Variants in LRP1B observed in about 807,000 individuals in gnomAD.
LRP1B encodes the protein low-density lipoprotein receptor-related protein 1B.
Under a neutral mutation model 556.6 loss-of-function variants are expected in LRP1B, and 217 were observed. The observed-to-expected ratio is 0.39, with a 90% CI of 0.35 to 0.44. The LOEUF (loss-of-function observed/expected upper bound fraction) is 0.44. Among genes scored for constraint, LRP1B ranks in the 20% least tolerant of loss-of-function variants. The pLI, the probability that LRP1B is intolerant of heterozygous loss-of-function variation, is 1.00. For missense variants in LRP1B, 5,053 were observed against 5,620.8 expected, an observed-to-expected ratio of 0.90 and a Z score of 3.23; for synonymous variants, 2,047 against 1,865.8, an observed-to-expected ratio of 1.10 and a Z score of -2.50.
chr2:140,540,886 C>A (rs1680108027), intron 45 of LRP1B, 87 bp downstream of exon 45: 1 of 1,410,234 alleles, frequency 7.1e-7, no homozygotes, highest in South Asian at 1.3e-5. Flanking sequence ...GAGAGTATAA[C>A]TTCATGAATA....
intron 1 of LRP1B, among the ~76,000 whole-genome samples, chr2:142,067,965 C>G (rs1705169523): frequency 6.6e-6 from 1 of 151,432 alleles, no homozygotes; most frequent in Non-Finnish European, 1.5e-5. Flanking sequence ...TAATATGGTA[C>G]CTCCTACAAG....
intron 5 of LRP1B, 136 bp downstream of exon 5, chr2:141,247,090 A>T: frequency 1.1e-6 from 1 of 903,116 alleles, no homozygotes; most frequent in Non-Finnish European, 1.7e-6. Flanking sequence ...CTAACTATAG[A>T]GAAGTGTATT....
chr2:141,186,171 T>A (rs1019678523), intron 7 of LRP1B, among the ~76,000 whole-genome samples: 1 of 151,766 alleles, frequency 6.6e-6, no homozygotes, highest in Admixed American at 6.6e-5. Flanking sequence ...TTCTCCATTT[T>A]AAAATCTATG....
At chr2:141,856,419 A>T (rs376343214) in intron 1 of LRP1B, among the ~76,000 whole-genome samples, 1 of 152,106 alleles carries the variant, frequency 6.6e-6, no homozygotes, top group East Asian at 1.9e-4. Flanking sequence ...CTTTTTTTAT[A>T]TTTTTGCTTC....
At chr2:141,064,235 AAAG>A (rs536932645) in intron 7 of LRP1B, among the ~76,000 whole-genome samples, 72 of 152,048 alleles carry the variant, frequency 4.7e-4, no homozygotes, top group Non-Finnish European at 7.7e-4. Flanking sequence ...AAAGCAAAAA[AAAG>A]AAGGATATAG....
chr2:141,700,361 A>T (rs1691896176), intron 2 of LRP1B, among the ~76,000 whole-genome samples: 1 of 151,806 alleles, frequency 6.6e-6, no homozygotes, highest in South Asian at 2.1e-4. Flanking sequence ...GCATCGATTT[A>T]TCAAAATAAT....
chr2:140,737,503 C>T (rs556170622), intron 35 of LRP1B, among the ~76,000 whole-genome samples: 17 of 152,250 alleles, frequency 1.1e-4, no homozygotes, highest in Middle Eastern at 3.4e-3. Context: ...GTAGGAGTCA[C>T]GTTCTTAGTC....
At chr2:141,415,924 G>A (rs12623422) in intron 3 of LRP1B, among the ~76,000 whole-genome samples, 28,502 of 152,080 alleles carry the variant, frequency 0.19, 3,528 homozygotes, top group East Asian at 0.45. Flanking sequence ...CTAACATCAC[G>A]GAAGCAGGGA....
At chr2:140,245,645 A>G (rs1049887290) in intron 87 of LRP1B, among the ~76,000 whole-genome samples, 28 of 151,570 alleles carry the variant, frequency 1.8e-4, no homozygotes, top group African/African-American at 6.5e-4. Context: ...AGTTTATAAA[A>G]TCATATATAA....
chr2:141,791,631 G>T (rs142176804), intron 2 of LRP1B, among the ~76,000 whole-genome samples: 4 of 151,824 alleles, frequency 2.6e-5, no homozygotes, highest in Non-Finnish European at 5.9e-5. Context: ...TGACATTGAG[G>T]TTGCAACACC....
intron 3 of LRP1B, among the ~76,000 whole-genome samples, chr2:141,310,885 T>C (rs1388143460): frequency 6.6e-6 from 1 of 152,210 alleles, no homozygotes; most frequent in Admixed American, 6.5e-5. Context: ...CTCTATCTAA[T>C]CCTTTTATTT....
intron 6 of LRP1B, among the ~76,000 whole-genome samples, chr2:141,218,983 G>T (rs527512904): frequency 6.6e-6 from 1 of 152,322 alleles, no homozygotes; most frequent in Non-Finnish European, 1.5e-5. Flanking sequence ...TGCCACACAG[G>T]ATAAGGGGAA....
chr2:140,516,757 A>T, intron 50 of LRP1B, 132 bp downstream of exon 50: 1 of 808,960 alleles, frequency 1.2e-6, no homozygotes, highest in Non-Finnish European at 1.9e-6. Context: ...CCATTTTTGT[A>T]TTATTTAATA....
intron 2 of LRP1B, among the ~76,000 whole-genome samples, chr2:141,703,597 T>C (rs1574262092): frequency 6.6e-6 from 1 of 151,964 alleles, no homozygotes; most frequent in Admixed American, 6.6e-5. Flanking sequence ...ATAGTATTTT[T>C]AATTTTGAAG....
At chr2:140,645,359 A>C in intron 41 of LRP1B, among the ~76,000 whole-genome samples, 1 of 151,998 alleles carries the variant, frequency 6.6e-6, no homozygotes, top group East Asian at 1.9e-4. Context: ...CTATATAATG[A>C]GCTTTCCACT....
chr2:142,021,765 C>T (rs1010354846), intron 1 of LRP1B, among the ~76,000 whole-genome samples: 4 of 151,898 alleles, frequency 2.6e-5, no homozygotes, highest in Non-Finnish European at 4.4e-5. Flanking sequence ...AGTATTCTAC[C>T]TTTAAAATAA....
intron 1 of LRP1B, among the ~76,000 whole-genome samples, chr2:142,057,738 G>A (rs552943993): frequency 8.5e-5 from 13 of 152,218 alleles, no homozygotes; most frequent in East Asian, 7.7e-4. Context: ...AAGTTATTAC[G>A]TAGATTAAGT....
chr2:141,124,583 C>G (rs1373116840), intron 7 of LRP1B, among the ~76,000 whole-genome samples: 1 of 148,952 alleles, frequency 6.7e-6, no homozygotes, highest in East Asian at 2.0e-4. Flanking sequence ...ACTAACCTAA[C>G]TTTTCCAGCT....
intron 2 of LRP1B, among the ~76,000 whole-genome samples, chr2:141,621,245 G>C (rs1688497294): frequency 6.6e-6 from 1 of 151,858 alleles, no homozygotes; most frequent in South Asian, 2.1e-4. Context: ...TTTCTCAATT[G>C]GCAAATAAAA....
Sources: gnomAD v4.1 joint callset for allele counts (sites outside exome capture counted in the v4.1 genomes callset) on GRCh38, gnomAD v4.1.1 for gene constraint, MANE v1.5 for transcripts, NCBI Gene and HGNC (gene_info 2026-07-23, HGNC 2026-07-21) for gene names.